The following ARHGAP10 variants were observed in gnomAD, a reference collection of about 807,000 sequenced individuals.
ARHGAP10 encodes rho GTPase-activating protein 10.
ARHGAP10 carries 87 observed loss-of-function variants against 108.6 expected under a neutral mutation model. The ratio of observed to expected loss-of-function variants is 0.80; its 90% CI spans 0.67 to 0.96. The LOEUF (loss-of-function observed/expected upper bound fraction) is 0.96, where lower values mean the gene tolerates loss of function less well. Ranked by LOEUF, ARHGAP10 falls within the 40% of genes least tolerant of loss-of-function variation. ARHGAP10 has a pLI of 0.00. For synonymous variants in ARHGAP10, 347 were observed against 341.1 expected (o/e 1.02, Z -0.19); for missense variants, 939 against 954.5 (o/e 0.98, Z 0.21).
chr4:147,769,185 A>G (rs1729967956), intron 1 of ARHGAP10, among the ~76,000 whole-genome samples: 5 of 152,216 alleles, frequency 3.3e-5, no homozygotes. Flanking sequence ...CACTATACAT[A>G]GCAGTTCTGG....
At chr4:148,008,861 G>T (rs2149652240) in intron 18 of ARHGAP10, among the ~76,000 whole-genome samples, 1 of 152,152 alleles carries the variant, frequency 6.6e-6, no homozygotes, top group Non-Finnish European at 1.5e-5. Flanking sequence ...TTAAAACATT[G>T]AATGCAGAAG....
intron 12 of ARHGAP10, 65 bp downstream of exon 12, chr4:147,909,842 G>A: frequency 6.7e-7 from 1 of 1,488,798 alleles, no homozygotes; most frequent in Non-Finnish European, 9.3e-7. Context: ...TGTACATTAT[G>A]CATGTCAAGC....
intron 10 of ARHGAP10, among the ~76,000 whole-genome samples, chr4:147,884,600 A>C (rs1384417893): frequency 1.3e-5 from 2 of 151,982 alleles, no homozygotes; most frequent in Non-Finnish European, 2.9e-5. Context: ...TGGCAGGGGG[A>C]CCTAATCTAG....
intron 10 of ARHGAP10, among the ~76,000 whole-genome samples, chr4:147,899,056 A>C (rs1489183734): frequency 6.6e-6 from 1 of 152,182 alleles, no homozygotes; most frequent in African/African-American, 2.4e-5. Context: ...ATTAGGACAC[A>C]GAGTAGCCCA....
Position 147,901,492 on chromosome 4 carries a change from T to G in ARHGAP10, c.1035-5146T>G, listed in dbSNP as rs77407170. Among the ~76,000 whole-genome samples, 1,034 of 152,330 alleles carry G rather than the reference T, an allele frequency of 6.8e-3. 9 individuals carry two copies. Among genetic ancestry groups the G allele is most frequent in the African/African-American group, 0.024 (988 of 41,556 alleles). On this transcript the variant is annotated intron_variant, in intron 10 of 22. Coordinates refer to ENST00000336498, the MANE Select transcript of ARHGAP10 (RefSeq NM_024605.4). ...CAAAATATAAACAAATGGAATTCTT[T>G]CCTTGTGAATGATCCATTTCTACTT...
intron 1 of ARHGAP10, among the ~76,000 whole-genome samples, chr4:147,738,005 G>A (rs1388693262): frequency 2.0e-5 from 3 of 150,930 alleles, no homozygotes; most frequent in African/African-American, 7.3e-5. Context: ...GCTCCTTGTC[G>A]CTGTGTTGTT....
intron 1 of ARHGAP10, among the ~76,000 whole-genome samples, chr4:147,757,289 T>C (rs13146250): frequency 6.7e-6 from 1 of 150,024 alleles, no homozygotes; most frequent in South Asian, 2.1e-4. Context: ...CTGCCTCCCG[T>C]GTTCAAGCAA....
intron 20 of ARHGAP10, among the ~76,000 whole-genome samples, chr4:148,051,248 G>A (rs1309882709): frequency 6.6e-6 from 1 of 152,210 alleles, no homozygotes; most frequent in African/African-American, 2.4e-5. Flanking sequence ...TCAGTAAGGC[G>A]ATGGGTGACT....
intron 18 of ARHGAP10, among the ~76,000 whole-genome samples, chr4:147,986,408 A>G (rs1740046607): frequency 6.6e-6 from 1 of 152,218 alleles, no homozygotes; most frequent in Non-Finnish European, 1.5e-5. Flanking sequence ...CTGATGAAGT[A>G]TATACAAATA....
intron 1 of ARHGAP10, among the ~76,000 whole-genome samples, chr4:147,760,768 C>T (rs1218674039): frequency 6.6e-6 from 1 of 152,060 alleles, no homozygotes; most frequent in Non-Finnish European, 1.5e-5. Context: ...TCCCTAAGTC[C>T]CAGTTGAAGG....
intron 18 of ARHGAP10, among the ~76,000 whole-genome samples, chr4:147,985,402 C>A (rs1250866458): frequency 6.6e-6 from 1 of 152,120 alleles, no homozygotes; most frequent in African/African-American, 2.4e-5. Context: ...GGAGGCTGGG[C>A]ACCCAGCAGG....
At chr4:147,742,005 G>T (rs965609587) in intron 1 of ARHGAP10, among the ~76,000 whole-genome samples, 1 of 151,932 alleles carries the variant, frequency 6.6e-6, no homozygotes, top group Non-Finnish European at 1.5e-5. Context: ...CGGTGAGTGT[G>T]ATTTCTCCTG....
At chr4:147,942,423 C>G (rs1313191033) in intron 14 of ARHGAP10, among the ~76,000 whole-genome samples, 1 of 152,030 alleles carries the variant, frequency 6.6e-6, no homozygotes, top group Non-Finnish European at 1.5e-5. Flanking sequence ...TGTTTTAAGT[C>G]TTATTTAAAT....
At chr4:147,741,912 A>G (rs1488595753) in intron 1 of ARHGAP10, among the ~76,000 whole-genome samples, 1 of 152,008 alleles carries the variant, frequency 6.6e-6, no homozygotes, top group East Asian at 1.9e-4. Flanking sequence ...TGCCATAGCT[A>G]GGCCTGACTC....
chr4:147,772,860 G>C (rs983574980), intron 1 of ARHGAP10, among the ~76,000 whole-genome samples: 1 of 152,128 alleles, frequency 6.6e-6, no homozygotes, highest in Admixed American at 6.6e-5. Context: ...TCTTGGTGGG[G>C]TGGATGAGTG....
chr4:148,053,867 T>C (rs951022017), intron 20 of ARHGAP10, among the ~76,000 whole-genome samples: 3 of 152,210 alleles, frequency 2.0e-5, no homozygotes, highest in Non-Finnish European at 4.4e-5. Flanking sequence ...TGCCTTCCTT[T>C]GCTGTGCTGT....
At chr4:147,829,762 T>G (rs576299083) in intron 3 of ARHGAP10, among the ~76,000 whole-genome samples, 1 of 152,318 alleles carries the variant, frequency 6.6e-6, no homozygotes, top group East Asian at 1.9e-4. Flanking sequence ...TGCTGTAGTG[T>G]TTATGTTGTT....
chr4:147,892,085 T>C (rs976331844), intron 10 of ARHGAP10, among the ~76,000 whole-genome samples: 1 of 152,198 alleles, frequency 6.6e-6, no homozygotes. Context: ...TCGAATATTA[T>C]ATTTGGTTTC....
At chr4:147,907,721 T>TA (rs1560820731) in intron 11 of ARHGAP10, among the ~76,000 whole-genome samples, 1 of 152,168 alleles carries the variant, frequency 6.6e-6, no homozygotes, top group African/African-American at 2.4e-5. Flanking sequence ...TAACATAGTA[T>TA]AAAAATTGAT....
Sources: allele counts gnomAD v4.1 joint callset (sites outside exome capture counted in the v4.1 genomes callset), GRCh38; gene constraint gnomAD v4.1.1; transcripts MANE v1.5; gene names NCBI Gene and HGNC (gene_info 2026-07-23, HGNC 2026-07-21).